The following GALNT2 variants were observed in gnomAD, a reference collection of about 807,000 sequenced individuals.
GALNT2 encodes the protein UDP-GalNAc:polypeptide N-acetylgalactosaminyltransferase 2.
Under a neutral mutation model 81.4 loss-of-function variants are expected in GALNT2, and 31 were observed. That is an observed-to-expected ratio of 0.38 (90% CI 0.29 to 0.51). The LOEUF is 0.51. GALNT2 is among the 20% of genes least tolerant of loss of function. The pLI, the probability that GALNT2 is intolerant of heterozygous loss-of-function variation, is 0.87. For missense variants in GALNT2, 629 were observed against 765.7 expected, an observed-to-expected ratio of 0.82 and a Z score of 2.11; for synonymous variants, 303 against 287.4, an observed-to-expected ratio of 1.05 and a Z score of -0.55.
At chr1:230,223,728 C>G (rs1335774748) in intron 3 of GALNT2, among the ~76,000 whole-genome samples, 1 of 152,216 alleles carries the variant, frequency 6.6e-6, no homozygotes, top group African/African-American at 2.4e-5. Context: ...GCCTCGGCCT[C>G]CCAAAGTGCT....
intron 1 of GALNT2, among the ~76,000 whole-genome samples, chr1:230,149,025 C>A (rs1662011742): frequency 6.6e-6 from 1 of 151,798 alleles, no homozygotes; most frequent in African/African-American, 2.4e-5. Context: ...GGACCACAGG[C>A]ACGTACCACC....
intron 1 of GALNT2, among the ~76,000 whole-genome samples, chr1:230,058,654 T>C (rs1211138022): frequency 6.6e-6 from 1 of 152,236 alleles, no homozygotes; most frequent in Non-Finnish European, 1.5e-5. Flanking sequence ...TGGCATATGG[T>C]AAGCACATCA....
At chr1:230,122,304 T>C (rs1270872089) in intron 1 of GALNT2, among the ~76,000 whole-genome samples, 6 of 152,190 alleles carry the variant, frequency 3.9e-5, no homozygotes, top group Non-Finnish European at 8.8e-5. Flanking sequence ...AGAAAAGATA[T>C]CGCTTTCCCT....
intron 1 of GALNT2, among the ~76,000 whole-genome samples, chr1:230,104,922 C>T (rs112369016): frequency 5.8e-4 from 89 of 152,352 alleles, no homozygotes; most frequent in African/African-American, 2.0e-3. Flanking sequence ...GGTTTTGCAA[C>T]TGCATACTCG....
At chr1:230,098,093 A>G (rs1430099543) in intron 1 of GALNT2, among the ~76,000 whole-genome samples, 3 of 152,212 alleles carry the variant, frequency 2.0e-5, no homozygotes, top group African/African-American at 4.8e-5. Context: ...AGAAACTTCA[A>G]GCACTTTACA....
In GALNT2 at chr1:230,193,652, G is replaced by A. The variant is rs574517921; in HGVS notation, c.221-9485G>A. Among the ~76,000 whole-genome samples, 59 of 152,252 alleles carry A rather than the reference G, an allele frequency of 3.9e-4. No individual in the cohort carries two copies. Among genetic ancestry groups the A allele is most frequent in the Non-Finnish European group, 6.8e-4 (46 of 68,012 alleles). ...TTTAAGAAAGAAGTGGCATTGTTTG[G>A]AAAGGTAGCATTATTTTAAACCAAC... On this transcript the variant is annotated intron_variant, in intron 2 of 15. Coordinates refer to ENST00000366672, the MANE Select transcript of GALNT2 (RefSeq NM_004481.5). The surrounding 1 kb of genome is among the most constrained non-coding windows in gnomAD (Gnocchi z 4.3).
chr1:230,266,933 A>G (rs569663740), intron 14 of GALNT2, among the ~76,000 whole-genome samples: 22 of 152,236 alleles, frequency 1.4e-4, no homozygotes, highest in Admixed American at 3.9e-4. Flanking sequence ...GTAAGAGCCA[A>G]TGGGTCAGGT....
chr1:230,104,720 G>A (rs1660490028), intron 1 of GALNT2, among the ~76,000 whole-genome samples: 1 of 152,216 alleles, frequency 6.6e-6, no homozygotes, highest in Non-Finnish European at 1.5e-5. Flanking sequence ...AGGTAGGAGG[G>A]CGATCCCGTT....
intron 1 of GALNT2, among the ~76,000 whole-genome samples, chr1:230,170,220 A>G (rs11122456): frequency 0.5 from 76,550 of 152,052 alleles, 20,679 homozygotes; most frequent in Non-Finnish European, 0.61. Flanking sequence ...TTCTCTACCT[A>G]TATTTTACCT....
chr1:230,072,145 G>T (rs957561669), intron 1 of GALNT2, among the ~76,000 whole-genome samples: 6 of 152,134 alleles, frequency 3.9e-5, no homozygotes, highest in Admixed American at 6.5e-5. Flanking sequence ...CAGAGGAAGA[G>T]GTGGTCAGAA....
In GALNT2 at chr1:230,210,016, T is replaced by C. The variant is rs542326263; in HGVS notation, c.374+6726T>C. ...GCTCTTCTGAAGCCTCTCCCCAGTG[T>C]TGTCTGGTTCAGAGGTTCCTGGGGT... On this transcript the variant is annotated intron_variant, in intron 3 of 15. Coordinates refer to ENST00000366672, the MANE Select transcript of GALNT2 (RefSeq NM_004481.5). 5.3e-5 allele frequency among the ~76,000 whole-genome samples: 8 copies of C among 152,148 alleles called. No homozygotes were observed. The South Asian group carries it at 1.5e-3, about 28-fold the overall frequency.
At chr1:230,205,108 C>G (rs1317184052) in intron 3 of GALNT2, among the ~76,000 whole-genome samples, 1 of 152,174 alleles carries the variant, frequency 6.6e-6, no homozygotes, top group Non-Finnish European at 1.5e-5. Context: ...GCTGGAGTTT[C>G]AGGGATTGAT....
chr1:230,138,023 A>G (rs1661606084), intron 1 of GALNT2, among the ~76,000 whole-genome samples: 1 of 152,110 alleles, frequency 6.6e-6, no homozygotes, highest in Non-Finnish European at 1.5e-5. Context: ...TTGTTCAGTG[A>G]TGACTTAATA....
intron 13 of GALNT2, chr1:230,264,714 G>C (rs1290449296): frequency 6.5e-6 from 1 of 153,410 alleles, no homozygotes; most frequent in African/African-American, 2.4e-5. Context: ...AGTGAGTCTT[G>C]CCTGAAAGCC....
chr1:230,167,979 TAA>T (rs1553264439), intron 1 of GALNT2, among the ~76,000 whole-genome samples: 22 of 151,892 alleles, frequency 1.4e-4, no homozygotes, highest in Non-Finnish European at 3.2e-4. Flanking sequence ...CTTTTTTTTG[TAA>T]AGAGACATTT....
At chr1:230,141,848 G>A (rs1661750131) in intron 1 of GALNT2, among the ~76,000 whole-genome samples, 1 of 133,396 alleles carries the variant, frequency 7.5e-6, no homozygotes, top group South Asian at 2.4e-4. Flanking sequence ...GCTGAAGTGC[G>A]TGCCACAATC....
At chr1:230,236,253 C>T (rs1665027232) in intron 4 of GALNT2, 100 bp from the exon 5 acceptor site, 1 of 1,393,702 alleles carries the variant, frequency 7.2e-7, no homozygotes, top group Non-Finnish European at 1.0e-6. Flanking sequence ...GTAGCTCCTC[C>T]AACCAAGGGT....
At chr1:230,272,761 G>A (rs900877719) in intron 14 of GALNT2, among the ~76,000 whole-genome samples, 2 of 151,776 alleles carry the variant, frequency 1.3e-5, no homozygotes, top group Admixed American at 6.6e-5. Flanking sequence ...GGTTTGGTTT[G>A]GTTCGGTTCG....
intron 1 of GALNT2, among the ~76,000 whole-genome samples, chr1:230,094,996 C>G (rs967603369): frequency 6.6e-6 from 1 of 152,172 alleles, no homozygotes; most frequent in Non-Finnish European, 1.5e-5. Flanking sequence ...GCGATGATGT[C>G]GTAGTTCACG....
Sources: gnomAD v4.1 joint callset for allele counts (sites outside exome capture counted in the v4.1 genomes callset) on GRCh38, gnomAD v4.1.1 for gene constraint, Gnocchi (gnomAD v3.1) non-coding constraint, MANE v1.5 for transcripts, NCBI Gene and HGNC (gene_info 2026-07-23, HGNC 2026-07-21) for gene names.